ARHGAP24: variants seen among roughly 807,000 people sequenced by gnomAD.
ARHGAP24 encodes rho GTPase-activating protein 24.
Under a neutral mutation model 76.4 loss-of-function variants are expected in ARHGAP24, and 50 were observed. The ratio of observed to expected loss-of-function variants is 0.65; its 90% CI spans 0.52 to 0.83. ARHGAP24 has a LOEUF of 0.83. Ranked by LOEUF, ARHGAP24 falls within the 40% of genes least tolerant of loss-of-function variation. ARHGAP24 has a pLI of 0.00. For missense variants in ARHGAP24, 930 were observed against 914.2 expected, an observed-to-expected ratio of 1.02 and a Z score of -0.22; for synonymous variants, 345 against 323.3, an observed-to-expected ratio of 1.07 and a Z score of -0.72.
chr4:85,893,621 G>A (rs1733961238), intron 3 of ARHGAP24, among the ~76,000 whole-genome samples: 1 of 108,864 alleles, frequency 9.2e-6, no homozygotes, highest in African/African-American at 3.7e-5. Flanking sequence ...CACTTATGAA[G>A]CTTAGTTTGG....
At chr4:85,714,815 T>A (rs1265351774) in intron 2 of ARHGAP24, among the ~76,000 whole-genome samples, 1 of 152,118 alleles carries the variant, frequency 6.6e-6, no homozygotes, top group Non-Finnish European at 1.5e-5. Context: ...ATGTAACTAA[T>A]TTCAGAAGCT....
At chr4:85,579,743 A>G (rs1727530938) in intron 2 of ARHGAP24, among the ~76,000 whole-genome samples, 1 of 152,138 alleles carries the variant, frequency 6.6e-6, no homozygotes, top group African/African-American at 2.4e-5. Context: ...CTTTTAGCAT[A>G]ATATTTTCCA....
chr4:85,766,902 C>T (rs1726949992), intron 3 of ARHGAP24, among the ~76,000 whole-genome samples: 1 of 152,156 alleles, frequency 6.6e-6, no homozygotes, highest in Non-Finnish European at 1.5e-5. Flanking sequence ...CAACAACAAA[C>T]TGCATATATG....
Position 86,000,667 on chromosome 4 carries a change from A to G in ARHGAP24, c.2192A>G (p.Glu731Gly). Residue 731 changes from glutamate to glycine, a missense_variant, in exon 10 of 10, where the codon GAA becomes GGA. Coordinates refer to ENST00000395184, the MANE Select transcript of ARHGAP24 (RefSeq NM_001025616.3). ...EMEQFFSTFGELTVEPRRTER... is the reference protein window; with the variant it reads ...EMEQFFSTFGGLTVEPRRTER... The stretch of plus-strand genomic sequence containing the variant: ...GAGCAGTTTTTTTCCACGTTTGGAG[A>G]ACTGACAGTGGAACCCAGGAGAACC... 1 of 1,613,994 alleles carries G rather than the reference A, an allele frequency of 6.2e-7. No individual in the cohort carries two copies. The highest frequency in any genetic ancestry group is 2.2e-5 in the East Asian group (1 of 44,860).
At chr4:85,994,048 A>G (rs1003725349) in intron 8 of ARHGAP24, among the ~76,000 whole-genome samples, 3 of 152,160 alleles carry the variant, frequency 2.0e-5, no homozygotes, top group Non-Finnish European at 2.9e-5. Context: ...GATTTTCATT[A>G]TCTTGATATA....
chr4:85,767,579 T>C (rs1726977134), intron 3 of ARHGAP24, among the ~76,000 whole-genome samples: 1 of 152,048 alleles, frequency 6.6e-6, no homozygotes, highest in Non-Finnish European at 1.5e-5. Context: ...AAAAGCAAAC[T>C]GAGTACCTGG....
intron 3 of ARHGAP24, among the ~76,000 whole-genome samples, chr4:85,859,212 T>TACAC (rs10645010): frequency 0.041 from 5,973 of 145,380 alleles, 138 homozygotes; most frequent in Middle Eastern, 0.056. Flanking sequence ...GCCACATGCA[T>TACAC]ACACACACAC....
chr4:85,884,345 A>G (rs1179141644), intron 3 of ARHGAP24, among the ~76,000 whole-genome samples: 1 of 152,168 alleles, frequency 6.6e-6, no homozygotes, highest in African/African-American at 2.4e-5. Flanking sequence ...GACTTTAAAG[A>G]CCAATGGGAC....
chr4:85,924,439 G>A (rs1184913197), intron 4 of ARHGAP24, among the ~76,000 whole-genome samples: 1 of 151,998 alleles, frequency 6.6e-6, no homozygotes, highest in Non-Finnish European at 1.5e-5. Flanking sequence ...CAACGAAAAT[G>A]AGCAAATGGA....
At chr4:85,768,601 G>A (rs1254481193) in intron 3 of ARHGAP24, among the ~76,000 whole-genome samples, 1 of 151,938 alleles carries the variant, frequency 6.6e-6, no homozygotes, top group Non-Finnish European at 1.5e-5. Context: ...GCCGGGCATG[G>A]TGGCGCGCAC....
intron 5 of ARHGAP24, among the ~76,000 whole-genome samples, chr4:85,944,423 G>GTTTT (rs1335981168): frequency 1.3e-5 from 2 of 152,104 alleles, no homozygotes; most frequent in Non-Finnish European, 2.9e-5. Context: ...GTGGTTGTTT[G>GTTTT]TTTCTTGTAA....
intron 8 of ARHGAP24, among the ~76,000 whole-genome samples, chr4:85,994,330 A>G (rs1740515122): frequency 6.6e-6 from 1 of 152,202 alleles, no homozygotes; most frequent in Admixed American, 6.5e-5. Context: ...AGTGATAATA[A>G]CAGTATGTAT....
chr4:85,824,767 C>T (rs1729633968), intron 3 of ARHGAP24, among the ~76,000 whole-genome samples: 1 of 152,098 alleles, frequency 6.6e-6, no homozygotes, highest in African/African-American at 2.4e-5. Context: ...GGTAATTACA[C>T]TAGGGCAATA....
chr4:85,843,392 A>G (rs1730707425), intron 3 of ARHGAP24, among the ~76,000 whole-genome samples: 1 of 152,180 alleles, frequency 6.6e-6, no homozygotes, highest in Admixed American at 6.5e-5. Flanking sequence ...CAGAGCTACT[A>G]TCCAAACTCA....
At chr4:85,847,212 T>C (rs1428595151) in intron 3 of ARHGAP24, among the ~76,000 whole-genome samples, 3 of 152,224 alleles carry the variant, frequency 2.0e-5, no homozygotes, top group Non-Finnish European at 4.4e-5. Context: ...AAGTGTCACT[T>C]GGTTTTTTTA....
At chr4:85,858,715 G>A (rs1417455486) in intron 3 of ARHGAP24, among the ~76,000 whole-genome samples, 1 of 152,022 alleles carries the variant, frequency 6.6e-6, no homozygotes, top group Non-Finnish European at 1.5e-5. Flanking sequence ...CAAGCTGAGA[G>A]GGAAAGGAAA....
At position 85,761,727 on chromosome 4, in the gene ARHGAP24, A is replaced by C. The variant is rs1578204765; in HGVS notation, c.268+39755A>C. On this transcript the variant is annotated intron_variant, in intron 3 of 9. Transcript: ENST00000395184. ...AAATATATGTTATACGTTTTCCGTG[A>C]GATGTAATGAAGGTGAATTTCAGAA... is the stretch of plus-strand genomic sequence containing the variant. Among the ~76,000 whole-genome samples the C allele has an allele frequency of 3.3e-5, 5 of 152,170 alleles. No homozygotes were observed. The South Asian group carries it at 1.0e-3, about 32-fold the overall frequency.
intron 4 of ARHGAP24, among the ~76,000 whole-genome samples, chr4:85,938,724 A>G (rs1460490714): frequency 3.3e-5 from 5 of 152,094 alleles, no homozygotes; most frequent in Middle Eastern, 3.2e-3. Context: ...ATGCCCTAAA[A>G]CTTTTTTATA....
intron 3 of ARHGAP24, among the ~76,000 whole-genome samples, chr4:85,740,861 C>T (rs1725796485): frequency 6.6e-6 from 1 of 152,156 alleles, no homozygotes; most frequent in Non-Finnish European, 1.5e-5. Flanking sequence ...AGTAGTCCTA[C>T]ATTATCCCAG....
Sources: allele counts gnomAD v4.1 joint callset (sites outside exome capture counted in the v4.1 genomes callset), GRCh38; gene constraint gnomAD v4.1.1; transcripts MANE v1.5; gene names NCBI Gene and HGNC (gene_info 2026-07-23, HGNC 2026-07-21).